The following RALYL variants were observed in gnomAD, a reference collection of about 807,000 sequenced individuals.
The protein encoded by RALYL is RNA-binding Raly-like protein.
A neutral mutation model predicts 35.1 loss-of-function variants in RALYL; 29 were observed. That is an observed-to-expected ratio of 0.83 (90% CI 0.61 to 1.13). The LOEUF is 1.13. RALYL is among the 50% of genes most tolerant of loss of function. The pLI is 0.00. For synonymous variants in RALYL, 120 were observed against 127.6 expected (o/e 0.94, Z 0.40); for missense variants, 359 against 360.4 (o/e 1.00, Z 0.03).
intron 1 of RALYL, among the ~76,000 whole-genome samples, chr8:84,226,048 A>G (rs6987387): frequency 0.68 from 104,046 of 152,094 alleles, 36,146 homozygotes; most frequent in African/African-American, 0.81. Context: ...TCTGTGGCCT[A>G]TTAGGAACCA....
chr8:84,916,545 G>T (rs1205261280), intron 8 of RALYL, among the ~76,000 whole-genome samples: 1 of 151,880 alleles, frequency 6.6e-6, no homozygotes, highest in Non-Finnish European at 1.5e-5. Context: ...CCCTGCACAG[G>T]CTCTCTCTTT....
intron 4 of RALYL, among the ~76,000 whole-genome samples, chr8:84,818,482 A>G (rs1278417224): frequency 2.0e-5 from 3 of 152,156 alleles, no homozygotes; most frequent in African/African-American, 4.8e-5. Context: ...TTCCTGGGAG[A>G]CAAAGTTGGA....
intron 1 of RALYL, among the ~76,000 whole-genome samples, chr8:84,432,312 G>A (rs2047228823): frequency 6.6e-6 from 1 of 152,066 alleles, no homozygotes; most frequent in Non-Finnish European, 1.5e-5. Flanking sequence ...TCACTTATAT[G>A]AGGAGTCTAA....
chr8:84,571,278 G>A (rs183791031), intron 2 of RALYL, among the ~76,000 whole-genome samples: 12 of 151,570 alleles, frequency 7.9e-5, no homozygotes, highest in South Asian at 6.2e-4. Flanking sequence ...TTTTATTATC[G>A]ATTCAATTTT....
chr8:84,798,329 TAA>T (rs11337488), intron 3 of RALYL, among the ~76,000 whole-genome samples: 18 of 150,434 alleles, frequency 1.2e-4, no homozygotes, highest in Admixed American at 2.7e-4. Context: ...ACTCAGAGAT[TAA>T]AAAAAAAAAG....
At chr8:84,225,887 A>C (rs1823758101) in intron 1 of RALYL, among the ~76,000 whole-genome samples, 1 of 152,216 alleles carries the variant, frequency 6.6e-6, no homozygotes, top group South Asian at 2.1e-4. Flanking sequence ...CATGCCTGAC[A>C]CATTTGTAGA....
chr8:84,629,606 T>C (rs191603028), intron 2 of RALYL, among the ~76,000 whole-genome samples: 102 of 152,098 alleles, frequency 6.7e-4, no homozygotes, highest in Non-Finnish European at 1.2e-3. Flanking sequence ...ATGTTACATA[T>C]ATTGCTCAGG....
At chr8:84,839,726 G>A (rs766752135) in intron 4 of RALYL, among the ~76,000 whole-genome samples, 2 of 152,232 alleles carry the variant, frequency 1.3e-5, no homozygotes, top group Non-Finnish European at 2.9e-5. Context: ...CCCAGTAGGG[G>A]CAGACTGACA....
chr8:84,832,926 T>C (rs1831204223), intron 4 of RALYL, among the ~76,000 whole-genome samples: 1 of 152,194 alleles, frequency 6.6e-6, no homozygotes, highest in Non-Finnish European at 1.5e-5. Context: ...CTTATTTCTT[T>C]GTTAAATTTA....
At chr8:84,537,637 G>T (rs1428123405) in intron 2 of RALYL, among the ~76,000 whole-genome samples, 2 of 152,100 alleles carry the variant, frequency 1.3e-5, no homozygotes, top group Non-Finnish European at 2.9e-5. Context: ...TCCTGTATCA[G>T]TGGCTTGTAG....
At chr8:84,237,903 G>A (rs1563586570) in intron 1 of RALYL, among the ~76,000 whole-genome samples, 1 of 150,518 alleles carries the variant, frequency 6.6e-6, no homozygotes, top group Non-Finnish European at 1.5e-5. Flanking sequence ...TGAAGAGAAA[G>A]GTACACCAAA....
chr8:84,486,107 A>G (rs1023674106), intron 1 of RALYL, among the ~76,000 whole-genome samples: 5 of 150,396 alleles, frequency 3.3e-5, no homozygotes, highest in Admixed American at 2.7e-4. Context: ...TTTATAGAAT[A>G]CAGCAGCAGT....
In RALYL at chr8:84,377,451, GTTTTTTTTT is replaced by G. The variant is rs369746268; in HGVS notation, c.-23-151832_-23-151824del. 6.4e-3 allele frequency among the ~76,000 whole-genome samples: 539 copies of G among 83,728 alleles called. 6 individuals carry two copies. Among genetic ancestry groups the G allele is most frequent in the African/African-American group, 0.023 (504 of 22,334 alleles). The allele number at this position is 83,728 out of a possible 152,430, so 54.9% of individuals were successfully genotyped here. ...GAGGAGATATCATCAAAGGTTAACTGTTTTTTTTTTTTTTTTTTTTTTTTCTTAAACTGA... is the reference window on the plus strand; with the variant it reads ...GAGGAGATATCATCAAAGGTTAACTGTTTTTTTTTTTTTTTCTTAAACTGA... On this transcript the variant is annotated intron_variant, in intron 1 of 8. Transcript: ENST00000521268.
At chr8:84,563,288 T>C (rs1330802564) in intron 2 of RALYL, among the ~76,000 whole-genome samples, 1 of 151,596 alleles carries the variant, frequency 6.6e-6, no homozygotes, top group African/African-American at 2.4e-5. Context: ...CATAAGCTCA[T>C]GAGGAAACAC....
At chr8:84,898,595 T>G (rs1008509913) in intron 8 of RALYL, among the ~76,000 whole-genome samples, 5 of 152,120 alleles carry the variant, frequency 3.3e-5, no homozygotes, top group African/African-American at 9.7e-5. Context: ...AAGTACAAAT[T>G]AAAACCACAA....
chr8:84,335,708 C>CTTT (rs1193454200), intron 1 of RALYL, among the ~76,000 whole-genome samples: 2 of 56,564 alleles, frequency 3.5e-5, no homozygotes, highest in Non-Finnish European at 6.1e-5. Flanking sequence ...TGTTTTCTTA[C>CTTT]CTTTTTTTTT....
intron 1 of RALYL, among the ~76,000 whole-genome samples, chr8:84,303,250 T>C (rs906559295): frequency 1.4e-4 from 21 of 152,238 alleles, no homozygotes; most frequent in African/African-American, 5.1e-4. Context: ...GTGTAGTTGT[T>C]ATTGAAATTA....
At chr8:84,298,702 T>C (rs542378379) in intron 1 of RALYL, among the ~76,000 whole-genome samples, 1 of 152,278 alleles carries the variant, frequency 6.6e-6, no homozygotes, top group African/African-American at 2.4e-5. Context: ...GAAATATTTT[T>C]CCATTTGTTT....
chr8:84,899,952 T>C (rs1021296656), intron 8 of RALYL, among the ~76,000 whole-genome samples: 3 of 152,176 alleles, frequency 2.0e-5, no homozygotes, highest in Non-Finnish European at 4.4e-5. Context: ...ATAAGTAAGA[T>C]AGATGCTGTG....
Sources: allele counts gnomAD v4.1 joint callset (sites outside exome capture counted in the v4.1 genomes callset), GRCh38; gene constraint gnomAD v4.1.1; transcripts MANE v1.5; gene names NCBI Gene and HGNC (gene_info 2026-07-23, HGNC 2026-07-21).